The following TSC22D2 variants were observed in gnomAD, a reference collection of about 807,000 sequenced individuals.
TSC22D2 encodes the protein TSC22 domain family protein 2.
In TSC22D2, 5 loss-of-function variants were observed where a neutral mutation model predicts 50.1. The ratio of observed to expected loss-of-function variants is 0.10; its 90% CI spans 0.05 to 0.21. TSC22D2 has a LOEUF of 0.21. TSC22D2 is among the 10% of genes least tolerant of loss of function. The pLI is 1.00. For missense variants in TSC22D2, 1,003 were observed against 1,015.5 expected, an observed-to-expected ratio of 0.99 and a Z score of 0.17; for synonymous variants, 501 against 450.1, an observed-to-expected ratio of 1.11 and a Z score of -1.43.
intron 1 of TSC22D2, chr3:150,422,976 ATCT>A (rs748008661): frequency 4.4e-4 from 488 of 1,104,726 alleles, no homozygotes; most frequent in Non-Finnish European, 5.4e-4. Context: ...AAAATCTTCC[ATCT>A]TCTTTTGAAA....
chr3:150,446,760 G>A (rs571961038), intron 1 of TSC22D2, among the ~76,000 whole-genome samples: 3 of 152,148 alleles, frequency 2.0e-5, no homozygotes, highest in South Asian at 2.1e-4. Flanking sequence ...ATTTTGAAAC[G>A]GTCCCTTGAC....
At chr3:150,434,828 GTATA>G (rs1449776325) in intron 1 of TSC22D2, among the ~76,000 whole-genome samples, 1 of 149,886 alleles carries the variant, frequency 6.7e-6, no homozygotes, top group Non-Finnish European at 1.5e-5. Flanking sequence ...ATATGTATGT[GTATA>G]TATGTACATA....
intron 1 of TSC22D2, among the ~76,000 whole-genome samples, chr3:150,450,608 G>T (rs968159140): frequency 6.6e-6 from 1 of 151,980 alleles, no homozygotes; most frequent in Non-Finnish European, 1.5e-5. Flanking sequence ...TTTGCATTCA[G>T]CCAGAGGTTG....
chr3:150,423,076 G>A (rs200725903), intron 1 of TSC22D2: 65 of 1,612,818 alleles, frequency 4.0e-5, no homozygotes, highest in South Asian at 6.6e-5. Flanking sequence ...TCTACCAAGC[G>A]TTCCATTTGA....
intron 1 of TSC22D2, among the ~76,000 whole-genome samples, chr3:150,445,281 C>T (rs573026957): frequency 1.3e-5 from 2 of 150,130 alleles, no homozygotes; most frequent in Non-Finnish European, 3.0e-5. Flanking sequence ...CCATTGCACT[C>T]CAGCCTGGGT....
intron 1 of TSC22D2, among the ~76,000 whole-genome samples, chr3:150,426,767 T>C (rs1720205283): frequency 6.6e-6 from 1 of 152,184 alleles, no homozygotes; most frequent in South Asian, 2.1e-4. Flanking sequence ...GTAGTAGACA[T>C]GGGTTATTAA....
At chr3:150,432,221 C>T (rs528468160) in intron 1 of TSC22D2, among the ~76,000 whole-genome samples, 1 of 152,102 alleles carries the variant, frequency 6.6e-6, no homozygotes, top group Non-Finnish European at 1.5e-5. Flanking sequence ...GCTCACCCAC[C>T]ATTATATATG....
At chr3:150,454,713 T>C (rs1484430253) in intron 1 of TSC22D2, among the ~76,000 whole-genome samples, 1 of 152,218 alleles carries the variant, frequency 6.6e-6, no homozygotes, top group Non-Finnish European at 1.5e-5. Flanking sequence ...TAAAGGTCAC[T>C]ATAGTGGTAG....
chr3:150,444,219 T>C (rs1720807488), intron 1 of TSC22D2, among the ~76,000 whole-genome samples: 1 of 152,218 alleles, frequency 6.6e-6, no homozygotes. Flanking sequence ...CCTTAATTAG[T>C]TTCTAATAGT....
At chr3:150,421,212 T>C (rs866243515) in intron 1 of TSC22D2, among the ~76,000 whole-genome samples, 1 of 152,242 alleles carries the variant, frequency 6.6e-6, no homozygotes, top group Non-Finnish European at 1.5e-5. Flanking sequence ...TCTTATTCTT[T>C]TGTATATACT....
intron 1 of TSC22D2, among the ~76,000 whole-genome samples, chr3:150,455,158 C>G (rs1049755778): frequency 2.0e-5 from 3 of 152,174 alleles, no homozygotes; most frequent in Admixed American, 1.3e-4. Flanking sequence ...AAAGTATAAT[C>G]TGGGATTCCC....
rs1405162832 is a variant in TSC22D2, at chr3:150,408,827, A to G, written c.-524A>G. 6.5e-6 allele frequency: 1 copy of G among 152,922 alleles called. No individual in the cohort carries two copies. The highest frequency in any genetic ancestry group is 2.4e-5 in the African/African-American group (1 of 41,398). 9.5% of individuals were successfully genotyped at this position (152,922 alleles called of 1,614,324 possible). A position where few individuals can be genotyped will look rare whatever the true frequency, so the allele number is the denominator to read the frequency against. ...CTCCGGACTCGCCGCTCCTTCCCTC[A>G]GTCAGAGAGCCCAGCGCTGACGCCG... On this transcript the variant is annotated 5_prime_UTR_variant, in exon 1 of 3. Coordinates refer to ENST00000688009, the MANE Select transcript of TSC22D2 (RefSeq NM_001303264.2).
chr3:150,424,340 T>C (rs1720104691), intron 1 of TSC22D2, among the ~76,000 whole-genome samples: 1 of 152,198 alleles, frequency 6.6e-6, no homozygotes, highest in Admixed American at 6.5e-5. Flanking sequence ...TGGGGTATGC[T>C]TTATAGTTTC....
chr3:150,431,478 C>T (rs557976384), intron 1 of TSC22D2, among the ~76,000 whole-genome samples: 3 of 152,148 alleles, frequency 2.0e-5, no homozygotes, highest in South Asian at 2.1e-4. Flanking sequence ...TATAGGTTCA[C>T]CAATTATACT....
rs775110864 is a variant in TSC22D2 at position 150,409,710 on chromosome 3, C to G, written c.360C>G (p.Thr120=). Residue 120 remains threonine (T), a synonymous_variant, in exon 1 of 3, where the codon ACC becomes ACG. Transcript: ENST00000688009. The surrounding 1 kb of genome is among the most constrained non-coding windows in gnomAD (Gnocchi z 7.4). ...GCGTGTCTGGGGCGCTCGCCAGTACCCTGGCGGCGGCTGCCACTTCGGCCC... is the reference window on the plus strand; with the variant it reads ...GCGTGTCTGGGGCGCTCGCCAGTACGCTGGCGGCGGCTGCCACTTCGGCCC... The part of the protein sequence containing the change: ...ARSVSGALAS[T]LAAAATSAPA... 4 of 1,591,656 alleles carry G rather than the reference C, an allele frequency of 2.5e-6. No individual in the cohort carries two copies. The East Asian group carries it at 9.0e-5, about 36-fold the overall frequency.
intron 1 of TSC22D2, among the ~76,000 whole-genome samples, chr3:150,451,789 C>T (rs1161675624): frequency 6.6e-6 from 1 of 152,148 alleles, no homozygotes; most frequent in Admixed American, 6.5e-5. Context: ...GTGTTCTTTT[C>T]CTCTATCTTG....
rs1721366683 is a variant in TSC22D2, at chr3:150,460,638, A to G, written c.*2002A>G. The G allele has an allele frequency of 6.6e-6, 1 of 152,234 alleles. No individual in the cohort carries two copies. The highest frequency in any genetic ancestry group is 1.5e-5 in the Non-Finnish European group (1 of 68,032). 9.4% of individuals were successfully genotyped at this position (152,234 alleles called of 1,614,324 possible). ...AGCAACCCTAAGGATGTGTAGTAAG[A>G]TTCCAAGTAGAGCTGCTACAGGTGA... On this transcript the variant is annotated 3_prime_UTR_variant, in exon 3 of 3. Transcript: ENST00000688009.
rs751939964 is a variant in TSC22D2 at position 150,410,537 on chromosome 3, C to T, written c.1187C>T (p.Pro396Leu). 2 of 1,567,348 alleles carry T rather than the reference C, an allele frequency of 1.3e-6. No individual in the cohort carries two copies. The highest frequency in any genetic ancestry group is 1.2e-5 in the South Asian group (1 of 86,224). ...AGLQPPSPAQ[P>L]SSTGAAASPA... is the part of the protein sequence containing the mutation. ...CTGCAGCCGCCAAGCCCCGCGCAGCCCTCGTCCACCGGCGCCGCAGCGAGC... is the reference window on the plus strand; with the variant it reads ...CTGCAGCCGCCAAGCCCCGCGCAGCTCTCGTCCACCGGCGCCGCAGCGAGC... Residue 396 changes from proline to leucine, a missense_variant, in exon 1 of 3, where the codon CCC becomes CTC. This residue lies in a region of TSC22D2 where 696 missense variants were observed against 647.8 expected (regional missense o/e 1.07). Transcript: ENST00000688009.
intron 1 of TSC22D2, among the ~76,000 whole-genome samples, chr3:150,436,969 G>A (rs1425310351): frequency 6.6e-6 from 1 of 152,004 alleles, no homozygotes; most frequent in Non-Finnish European, 1.5e-5. Flanking sequence ...ATAGCTTTAT[G>A]CGTATTGATC....
Sources: allele counts gnomAD v4.1 joint callset (sites outside exome capture counted in the v4.1 genomes callset), GRCh38; gene constraint gnomAD v4.1.1; regional missense constraint gnomAD v4.1.1; non-coding constraint Gnocchi (gnomAD v3.1); transcripts MANE v1.5; gene names NCBI Gene and HGNC (gene_info 2026-07-23, HGNC 2026-07-21).